ANKRD28: variants seen among roughly 807,000 people sequenced by gnomAD.
ANKRD28 encodes the protein serine/threonine-protein phosphatase 6 regulatory ankyrin repeat subunit A.
In ANKRD28, 44 loss-of-function variants were observed where a neutral mutation model predicts 126.5. The observed-to-expected ratio is 0.35, with a 90% CI of 0.27 to 0.45. The LOEUF (loss-of-function observed/expected upper bound fraction) is 0.45. Ranked by LOEUF, ANKRD28 falls within the 20% of genes least tolerant of loss-of-function variation. The probability of loss-of-function intolerance (pLI) is 1.00; values close to 1 mark genes in which losing one functional copy is unlikely to be tolerated. For missense variants in ANKRD28, 1,110 were observed against 1,316.6 expected, an observed-to-expected ratio of 0.84 and a Z score of 2.43; for synonymous variants, 442 against 468.5, an observed-to-expected ratio of 0.94 and a Z score of 0.73.
chr3:15,674,174 C>CAAAAAAAAAAAAAAAAAAAAAAA, intron 27 of ANKRD28, among the ~76,000 whole-genome samples: 1 of 40,288 alleles, frequency 2.5e-5, no homozygotes, highest in Non-Finnish European at 4.1e-5. Flanking sequence ...CCTGCCTCTT[C>CAAAAAAAAAAAAAAAAAAAAAAA]AAAAAAAAAA....
At chr3:15,686,892 C>T (rs568021234) in intron 18 of ANKRD28, among the ~76,000 whole-genome samples, 2 of 151,744 alleles carry the variant, frequency 1.3e-5, no homozygotes, top group Non-Finnish European at 2.9e-5. Flanking sequence ...TAATCCAGAG[C>T]TCTGACACCG....
intron 2 of ANKRD28, among the ~76,000 whole-genome samples, chr3:15,767,700 T>TAAAAAAAAAAA (rs57072807): frequency 3.1e-5 from 2 of 64,358 alleles, no homozygotes; most frequent in African/African-American, 1.8e-4. Context: ...TAGTCTCTAC[T>TAAAAAAAAAAA]AAAAAAAAAA....
At chr3:15,756,448 TA>T in intron 3 of ANKRD28, 3 of 964,782 alleles carry the variant, frequency 3.1e-6, no homozygotes, top group Non-Finnish European at 3.7e-6. Context: ...AAATAAAACA[TA>T]AATTCAAAAA....
intron 2 of ANKRD28, among the ~76,000 whole-genome samples, chr3:15,791,552 G>A (rs780664759): frequency 3.3e-5 from 5 of 152,102 alleles, no homozygotes; most frequent in Admixed American, 1.3e-4. Context: ...TGGGAAACTG[G>A]ATAAACACAT....
At chr3:15,739,105 C>T (rs556428638) in intron 4 of ANKRD28, among the ~76,000 whole-genome samples, 14 of 152,132 alleles carry the variant, frequency 9.2e-5, no homozygotes, top group Admixed American at 5.9e-4. Flanking sequence ...TTAAGGTGCC[C>T]GGATTTCATA....
At position 15,713,515 on chromosome 3, in the gene ANKRD28, G is replaced by A. The variant is rs778593341; in HGVS notation, c.1190+12C>T. ...GCCTGTATCAGTTATCAACACCTCG[G>A]TAAGTACTTACTTTGCAGTGTCAGC... On this transcript the variant is annotated intron_variant, in intron 10 of 27. Coordinates refer to ENST00000683139, the MANE Select transcript of ANKRD28 (RefSeq NM_001349278.2). 22 of 1,602,632 alleles carry A rather than the reference G, an allele frequency of 1.4e-5. No individual in the cohort carries two copies. In the Admixed American group the frequency reaches 3.6e-4, roughly 26 times the overall value.
chr3:15,858,779 T>TTG (rs1380586055), intron 1 of ANKRD28, among the ~76,000 whole-genome samples: 1 of 152,182 alleles, frequency 6.6e-6, no homozygotes, highest in Non-Finnish European at 1.5e-5. Flanking sequence ...ACAAAGTAGT[T>TTG]TTTCAGTTCC....
rs1395279365 is a variant in ANKRD28, at chr3:15,690,003, A to C, written c.1963+16T>G. ...GATAGAAGTTATAAATAAATCAAGC[A>C]TAATATCTGGCATACCTGCTGCATG... On this transcript the variant is annotated intron_variant, in intron 18 of 27. Coordinates refer to ENST00000683139, the MANE Select transcript of ANKRD28 (RefSeq NM_001349278.2). 1.3e-6 allele frequency: 2 copies of C among 1,585,850 alleles called. No homozygotes were observed. The highest frequency in any genetic ancestry group is 1.7e-6 in the Non-Finnish European group (2 of 1,163,218).
In ANKRD28 at chr3:15,817,321, T is replaced by C. The variant is rs571579637; in HGVS notation, c.28-22015A>G. Among the ~76,000 whole-genome samples the C allele has an allele frequency of 9.2e-5, 14 of 152,304 alleles. No homozygotes were observed. The South Asian group carries it at 2.9e-3, about 32-fold the overall frequency. On this transcript the variant is annotated intron_variant, in intron 1 of 27. Transcript: ENST00000399451. This position sits in a 1 kb window ranked among gnomAD's most constrained non-coding sequence, Gnocchi z 4.5. ...CAACTAGATAGAAAATTTTATAGGT[T>C]ATAAACTAACATCGGCAATTTCATA...
At chr3:15,820,503 T>G (rs1440435898) in intron 1 of ANKRD28, among the ~76,000 whole-genome samples, 2 of 152,178 alleles carry the variant, frequency 1.3e-5, no homozygotes, top group African/African-American at 4.8e-5. Flanking sequence ...ATTCATTTTT[T>G]AAAAGGGAAG....
At chr3:15,692,748 T>C (rs1287410064) in intron 17 of ANKRD28, among the ~76,000 whole-genome samples, 1 of 152,254 alleles carries the variant, frequency 6.6e-6, no homozygotes. Flanking sequence ...GGTATAATCA[T>C]ATTTCATTAA....
intron 8 of ANKRD28, among the ~76,000 whole-genome samples, chr3:15,716,043 T>C (rs1575346909): frequency 6.6e-6 from 1 of 151,242 alleles, no homozygotes; most frequent in African/African-American, 2.4e-5. Flanking sequence ...AGTACAGTGG[T>C]GTGATCTCAG....
At position 15,676,743 on chromosome 3, in the gene ANKRD28, A is replaced by G. The variant is rs1418864153; in HGVS notation, c.2873+231T>C. The G allele has an allele frequency of 1.6e-5, 6 of 372,976 alleles. No individual in the cohort carries two copies. In the East Asian group the frequency reaches 3.1e-4, roughly 19 times the overall value. 23.1% of individuals were successfully genotyped at this position (372,976 alleles called of 1,614,324 possible). The stretch of plus-strand genomic sequence containing the variant: ...AAAATTAGGTAGGTGGATTAAGGAA[A>G]AAAATACATTATTGTCAATGTTATA... On this transcript the variant is annotated intron_variant, in intron 26 of 27. Coordinates refer to ENST00000683139, the MANE Select transcript of ANKRD28 (RefSeq NM_001349278.2).
chr3:15,798,012 A>G, upstream of ANKRD28: 1 of 985,394 alleles, frequency 1.0e-6, no homozygotes, highest in South Asian at 4.7e-5. Flanking sequence ...TTCCTCTAGC[A>G]GGAGAAAAAA....
intron 3 of ANKRD28, among the ~76,000 whole-genome samples, chr3:15,760,547 G>C (rs902108488): frequency 5.3e-5 from 8 of 152,254 alleles, no homozygotes; most frequent in African/African-American, 1.7e-4. Context: ...ATACAGAGTA[G>C]AGTAAACTAG....
At chr3:15,787,500 TCACTC>T (rs2059833231) in intron 2 of ANKRD28, among the ~76,000 whole-genome samples, 1 of 152,158 alleles carries the variant, frequency 6.6e-6, no homozygotes, top group Admixed American at 6.6e-5. Flanking sequence ...GCCCCCACCT[TCACTC>T]CACGTTCCAT....
At chr3:15,711,588 A>G (rs750536994) in intron 11 of ANKRD28, among the ~76,000 whole-genome samples, 1 of 152,248 alleles carries the variant, frequency 6.6e-6, no homozygotes, top group Middle Eastern at 3.2e-3. Context: ...CAAATTTTAT[A>G]GAGATGAAAA....
chr3:15,859,048 T>A (rs2061839819), intron 1 of ANKRD28, among the ~76,000 whole-genome samples: 2 of 152,092 alleles, frequency 1.3e-5, no homozygotes, highest in African/African-American at 4.8e-5. Context: ...GGAAGCCACC[T>A]GTTAGGCCCG....
intron 10 of ANKRD28, 101 bp from the exon 11 acceptor site, chr3:15,712,323 G>A: frequency 2.2e-6 from 2 of 908,796 alleles, no homozygotes; most frequent in South Asian, 1.6e-5. Context: ...AGATAACTAA[G>A]AGCCAAAATG....
Sources: gnomAD v4.1 joint callset for allele counts (sites outside exome capture counted in the v4.1 genomes callset) on GRCh38, gnomAD v4.1.1 for gene constraint, Gnocchi (gnomAD v3.1) non-coding constraint, MANE v1.5 for transcripts, NCBI Gene and HGNC (gene_info 2026-07-23, HGNC 2026-07-21) for gene names.